KCND2: variants seen among roughly 807,000 people sequenced by gnomAD.
KCND2 encodes the protein potassium voltage-gated channel subfamily D member 2, also known as A-type voltage-gated potassium channel KCND2.
A neutral mutation model predicts 54.4 loss-of-function variants in KCND2; 16 were observed. The ratio of observed to expected loss-of-function variants is 0.29; its 90% confidence interval spans 0.20 to 0.45. The LOEUF is 0.45. KCND2 is among the 20% of genes least tolerant of loss of function. KCND2 has a pLI of 1.00. For synonymous variants in KCND2, 317 were observed against 310.7 expected (o/e 1.02, Z -0.21); for missense variants, 486 against 824.2 (o/e 0.59, Z 5.02).
chr7:120,466,811 G>A (rs1223409216), intron 1 of KCND2, among the ~76,000 whole-genome samples: 3 of 152,070 alleles, frequency 2.0e-5, no homozygotes, highest in Non-Finnish European at 2.9e-5. Flanking sequence ...AAGGTACACA[G>A]GAGTCCTGCA....
chr7:120,595,386 C>T (rs1584846073), intron 1 of KCND2, among the ~76,000 whole-genome samples: 3 of 146,330 alleles, frequency 2.1e-5, no homozygotes, highest in South Asian at 4.4e-4. Context: ...AGGAGGTGGA[C>T]GTTGCAGTGA....
At chr7:120,484,701 G>GCGCACACACA (rs1554359327) in intron 1 of KCND2, among the ~76,000 whole-genome samples, 2 of 137,538 alleles carry the variant, frequency 1.5e-5, no homozygotes, top group African/African-American at 2.5e-5. Flanking sequence ...TATATTACAC[G>GCGCACACACA]CACACACACA....
chr7:120,546,198 C>T (rs974009159), intron 1 of KCND2, among the ~76,000 whole-genome samples: 4 of 151,782 alleles, frequency 2.6e-5, no homozygotes, highest in Non-Finnish European at 5.9e-5. Flanking sequence ...ATCTTCTTTA[C>T]TTTTGAAAAT....
At chr7:120,449,914 A>G (rs1383175174) in intron 1 of KCND2, among the ~76,000 whole-genome samples, 1 of 152,252 alleles carries the variant, frequency 6.6e-6, no homozygotes, top group East Asian at 1.9e-4. Flanking sequence ...ACTCTTTATA[A>G]TATGAAATAT....
chr7:120,733,114 A>G, intron 2 of KCND2, 49 bp downstream of exon 2: 6 of 1,590,374 alleles, frequency 3.8e-6, no homozygotes, highest in Non-Finnish European at 4.3e-6. Flanking sequence ...CCCACTTTTT[A>G]TAATGAGCTT....
At chr7:120,724,483 A>G (rs1010971352) in intron 1 of KCND2, among the ~76,000 whole-genome samples, 1 of 152,242 alleles carries the variant, frequency 6.6e-6, no homozygotes, top group Non-Finnish European at 1.5e-5. Flanking sequence ...AAGACGTAGT[A>G]CATTCCAGTA....
intron 1 of KCND2, among the ~76,000 whole-genome samples, chr7:120,333,334 G>A (rs184429679): frequency 1.8e-4 from 27 of 152,184 alleles, no homozygotes; most frequent in Admixed American, 5.2e-4. Context: ...ATGTAATTAT[G>A]TTCAAATGAG....
intron 1 of KCND2, among the ~76,000 whole-genome samples, chr7:120,362,267 C>T (rs1446399809): frequency 6.6e-6 from 1 of 152,094 alleles, no homozygotes; most frequent in Non-Finnish European, 1.5e-5. Flanking sequence ...TATAGCCCAA[C>T]TCTACTCATG....
rs138628243 is a variant in KCND2, at chr7:120,643,447, A to T, written c.1116-89456A>T. Among the ~76,000 whole-genome samples, 791 of 152,252 alleles carry T rather than the reference A, an allele frequency of 5.2e-3. 7 individuals are homozygous for T. Among genetic ancestry groups the T allele is most frequent in the Non-Finnish European group, 8.4e-3 (571 of 67,972 alleles). ...AAATGCAAAAGCAAGCTCTGTTGCC[A>T]CAGGTATGTGATTTGATCAAAGTAA... On this transcript the variant is annotated intron_variant, in intron 1 of 5. Coordinates refer to ENST00000331113, the MANE Select transcript of KCND2 (RefSeq NM_012281.3).
At chr7:120,328,406 A>G (rs1455911815) in intron 1 of KCND2, among the ~76,000 whole-genome samples, 1 of 152,116 alleles carries the variant, frequency 6.6e-6, no homozygotes, top group Non-Finnish European at 1.5e-5. Context: ...TCCTCATTTT[A>G]TAGATGAGGA....
intron 1 of KCND2, among the ~76,000 whole-genome samples, chr7:120,572,834 TAATC>T (rs564192444): frequency 3.6e-4 from 55 of 152,176 alleles, no homozygotes; most frequent in Non-Finnish European, 4.9e-4. Flanking sequence ...AGTGTGAACA[TAATC>T]TATATAACCA....
chr7:120,377,788 G>T (rs534281228), intron 1 of KCND2, among the ~76,000 whole-genome samples: 1 of 151,922 alleles, frequency 6.6e-6, no homozygotes, highest in Admixed American at 6.6e-5. Context: ...CTCCCTTCCT[G>T]GAATGCTCTT....
intron 1 of KCND2, among the ~76,000 whole-genome samples, chr7:120,445,782 G>A (rs948365073): frequency 2.6e-5 from 4 of 151,992 alleles, no homozygotes; most frequent in African/African-American, 9.7e-5. Flanking sequence ...GAAGGAAAAG[G>A]AAATCAACAT....
At chr7:120,581,279 C>A (rs1451732868) in intron 1 of KCND2, among the ~76,000 whole-genome samples, 1 of 152,160 alleles carries the variant, frequency 6.6e-6, no homozygotes, top group East Asian at 1.9e-4. Flanking sequence ...TAGTTTGTTT[C>A]TCGCTTTCCT....
chr7:120,434,946 T>C (rs1456923061), intron 1 of KCND2, among the ~76,000 whole-genome samples: 2 of 151,950 alleles, frequency 1.3e-5, no homozygotes, highest in South Asian at 2.1e-4. Context: ...CCAAGACTCA[T>C]AGGATTGGAA....
intron 1 of KCND2, among the ~76,000 whole-genome samples, chr7:120,474,593 A>G (rs1802507214): frequency 6.6e-6 from 1 of 150,622 alleles, no homozygotes; most frequent in Non-Finnish European, 1.5e-5. Flanking sequence ...CAAACTCCTG[A>G]CCTCAGGTTA....
At chr7:120,489,668 T>C (rs1385172127) in intron 1 of KCND2, among the ~76,000 whole-genome samples, 1 of 152,154 alleles carries the variant, frequency 6.6e-6, no homozygotes, top group Non-Finnish European at 1.5e-5. Flanking sequence ...ATTCACTCAC[T>C]CACGTCCTAT....
chr7:120,464,463 T>C (rs1220510923), intron 1 of KCND2, among the ~76,000 whole-genome samples: 1 of 152,166 alleles, frequency 6.6e-6, no homozygotes, highest in Non-Finnish European at 1.5e-5. Flanking sequence ...AAGGAGATAG[T>C]TGGAGCAGGC....
Position 120,588,402 on chromosome 7 carries a change from AGTGTGT to A in KCND2, c.1116-144466_1116-144461del, listed in dbSNP as rs3993713. On this transcript the variant is annotated intron_variant, in intron 1 of 5. Coordinates refer to ENST00000331113, the MANE Select transcript of KCND2 (RefSeq NM_012281.3). Reference sequence around the variant, plus strand: ...GAATAATAGAGGGAGGCAACTGTGCAGTGTGTGTGTGTGTGTGTGTGTGTGTGTGTG... The same window carrying A: ...GAATAATAGAGGGAGGCAACTGTGCAGTGTGTGTGTGTGTGTGTGTGTGTG... Among the ~76,000 whole-genome samples, 139 of 141,408 alleles carry A rather than the reference AGTGTGT, an allele frequency of 9.8e-4. 1 individual carries two copies. Among genetic ancestry groups the A allele is most frequent in the East Asian group, 4.6e-3 (22 of 4,784 alleles). 92.8% of individuals were successfully genotyped at this position (141,408 alleles called of 152,430 possible).
Sources: allele counts gnomAD v4.1 joint callset (sites outside exome capture counted in the v4.1 genomes callset), GRCh38; gene constraint gnomAD v4.1.1; transcripts MANE v1.5; gene names NCBI Gene and HGNC (gene_info 2026-07-23, HGNC 2026-07-21).